The following CDH12 variants were observed in gnomAD, a reference collection of about 807,000 sequenced individuals.
The protein encoded by CDH12 is cadherin-12.
CDH12 carries 41 observed loss-of-function variants against 74.1 expected under a neutral mutation model. That is an observed-to-expected ratio of 0.55 (90% CI 0.43 to 0.72). CDH12 has a LOEUF of 0.72. Ranked by LOEUF, CDH12 falls within the 30% of genes least tolerant of loss-of-function variation. CDH12 has a pLI of 0.00. For synonymous variants in CDH12, 399 were observed against 355.0 expected (o/e 1.12, Z -1.39); for missense variants, 945 against 977.2 (o/e 0.97, Z 0.44).
At chr5:22,655,650 G>A (rs1408407430) in intron 1 of CDH12, among the ~76,000 whole-genome samples, 3 of 152,152 alleles carry the variant, frequency 2.0e-5, no homozygotes, top group African/African-American at 7.2e-5. Flanking sequence ...TGATCACCAT[G>A]ATCTGCCTGG....
intron 6 of CDH12, among the ~76,000 whole-genome samples, chr5:21,865,052 A>G (rs926259904): frequency 6.6e-6 from 1 of 152,204 alleles, no homozygotes; most frequent in African/African-American, 2.4e-5. Flanking sequence ...TGACAAAAAA[A>G]GAGAGTGCTA....
chr5:21,933,949 T>C (rs1296876347), intron 6 of CDH12, among the ~76,000 whole-genome samples: 1 of 152,216 alleles, frequency 6.6e-6, no homozygotes, highest in African/African-American at 2.4e-5. Flanking sequence ...TAAATCTTTT[T>C]ACTATCTATG....
chr5:22,156,461 G>T (rs1277234976), intron 4 of CDH12, among the ~76,000 whole-genome samples: 1 of 151,938 alleles, frequency 6.6e-6, no homozygotes, highest in African/African-American at 2.4e-5. Context: ...TACATGTTAA[G>T]GAGTCCTCAT....
At chr5:21,754,684 G>A (rs1744286547) in intron 14 of CDH12, among the ~76,000 whole-genome samples, 1 of 151,984 alleles carries the variant, frequency 6.6e-6, no homozygotes, top group South Asian at 2.1e-4. Flanking sequence ...CTTTCCTAGA[G>A]ATAAAGTCAG....
intron 2 of CDH12, among the ~76,000 whole-genome samples, chr5:22,480,978 T>G (rs1162267615): frequency 3.3e-5 from 5 of 152,210 alleles, no homozygotes; most frequent in African/African-American, 1.2e-4. Context: ...TTTTTATCAA[T>G]CAAGGTAAAA....
At chr5:22,304,401 G>T (rs1255375902) in intron 3 of CDH12, among the ~76,000 whole-genome samples, 2 of 152,154 alleles carry the variant, frequency 1.3e-5, no homozygotes, top group Non-Finnish European at 2.9e-5. Context: ...AGTAGGAAAT[G>T]CCTTTCTTGC....
intron 3 of CDH12, among the ~76,000 whole-genome samples, chr5:22,261,621 C>A (rs72742062): frequency 0.081 from 12,295 of 152,014 alleles, 574 homozygotes; most frequent in South Asian, 0.16. Flanking sequence ...TTAATGTAGC[C>A]ACTACTCTAA....
At chr5:22,302,008 T>C (rs528257149) in intron 3 of CDH12, among the ~76,000 whole-genome samples, 18 of 115,262 alleles carry the variant, frequency 1.6e-4, no homozygotes, top group African/African-American at 4.8e-4. Flanking sequence ...TATATATATA[T>C]GGAGAGAGAG....
At chr5:22,409,789 C>A (rs1418696564) in intron 2 of CDH12, among the ~76,000 whole-genome samples, 1 of 152,012 alleles carries the variant, frequency 6.6e-6, no homozygotes, top group Non-Finnish European at 1.5e-5. Flanking sequence ...AGCCTTCTTA[C>A]CACTCCTACC....
rs114919216 is a variant in CDH12, at chr5:22,049,020, T to C, written c.231+29426A>G. Among the ~76,000 whole-genome samples, 602 of 152,256 alleles carry C rather than the reference T, an allele frequency of 4.0e-3. 9 individuals carry two copies. Among genetic ancestry groups the C allele is most frequent in the African/African-American group, 0.014 (567 of 41,562 alleles). Reference sequence around the variant, plus strand: ...TATACATTATAAAGTATATAATTTATAGTTTGTTGCTTATATTTATGCCTG... The same window carrying C: ...TATACATTATAAAGTATATAATTTACAGTTTGTTGCTTATATTTATGCCTG... On this transcript the variant is annotated intron_variant, in intron 5 of 14. Transcript: ENST00000382254.
At chr5:21,986,342 T>C (rs2150131426) in intron 5 of CDH12, among the ~76,000 whole-genome samples, 1 of 152,310 alleles carries the variant, frequency 6.6e-6, no homozygotes, top group East Asian at 1.9e-4. Flanking sequence ...AATATTGCCT[T>C]CATGGCTACA....
chr5:22,147,165 T>C (rs1747240809), intron 4 of CDH12, among the ~76,000 whole-genome samples: 2 of 152,166 alleles, frequency 1.3e-5, no homozygotes, highest in African/African-American at 4.8e-5. Flanking sequence ...TTTGCTTTCA[T>C]CAAAGACATT....
At chr5:22,503,168 T>C (rs1359851020) in intron 2 of CDH12, among the ~76,000 whole-genome samples, 1 of 152,166 alleles carries the variant, frequency 6.6e-6, no homozygotes, top group African/African-American at 2.4e-5. Flanking sequence ...TCTTTCCCTT[T>C]ACTTTTTTGC....
chr5:22,010,535 T>C (rs1394151948), intron 5 of CDH12, among the ~76,000 whole-genome samples: 1 of 152,242 alleles, frequency 6.6e-6, no homozygotes, highest in Non-Finnish European at 1.5e-5. Context: ...GAACCAATTA[T>C]ATCTTAGCTA....
chr5:22,160,228 C>CT (rs1748262523), intron 4 of CDH12, among the ~76,000 whole-genome samples: 2 of 152,118 alleles, frequency 1.3e-5, no homozygotes, highest in Non-Finnish European at 1.5e-5. Flanking sequence ...GGCTTTTCTC[C>CT]TTTTTTTCTT....
intron 1 of CDH12, among the ~76,000 whole-genome samples, chr5:22,697,834 AAG>A (rs1461458356): frequency 6.6e-6 from 1 of 152,106 alleles, no homozygotes; most frequent in East Asian, 1.9e-4. Flanking sequence ...TAAGAAAAGA[AAG>A]AGATACCTGA....
chr5:22,604,130 G>A (rs1736983309), intron 1 of CDH12, among the ~76,000 whole-genome samples: 1 of 152,194 alleles, frequency 6.6e-6, no homozygotes, highest in Admixed American at 6.5e-5. Flanking sequence ...CAGAGTGTGT[G>A]GACTGGACAC....
At chr5:22,143,575 G>A (rs1197091175) in intron 4 of CDH12, 4 of 152,002 alleles carry the variant, frequency 2.6e-5, no homozygotes, top group African/African-American at 9.7e-5. Context: ...CACCATCTTG[G>A]TCAAGTTGGT....
chr5:22,808,286 G>C (rs990757446), intron 1 of CDH12, among the ~76,000 whole-genome samples: 21 of 152,260 alleles, frequency 1.4e-4, no homozygotes, highest in African/African-American at 4.8e-4. Flanking sequence ...TGAATGCAGA[G>C]GTGAACAATG....
Sources: gnomAD v4.1 joint callset for allele counts (sites outside exome capture counted in the v4.1 genomes callset) on GRCh38, gnomAD v4.1.1 for gene constraint, MANE v1.5 for transcripts, NCBI Gene and HGNC (gene_info 2026-07-23, HGNC 2026-07-21) for gene names.